Variants in VWA5A observed in about 807,000 individuals in gnomAD.
VWA5A encodes the protein von Willebrand factor A domain-containing protein 5A.
VWA5A carries 77 observed loss-of-function variants against 84.6 expected under a neutral mutation model. The ratio of observed to expected loss-of-function variants is 0.91; its 90% CI spans 0.76 to 1.10. The LOEUF (loss-of-function observed/expected upper bound fraction) is 1.10, where lower values mean the gene tolerates loss of function less well. VWA5A is among the 50% of genes least tolerant of loss of function. The probability of loss-of-function intolerance (pLI) is 0.00; values close to 1 mark genes in which losing one functional copy is unlikely to be tolerated. For synonymous variants in VWA5A, 334 were observed against 350.1 expected, an observed-to-expected ratio of 0.95 and a Z score of 0.51; for missense variants, 973 against 963.0, an observed-to-expected ratio of 1.01 and a Z score of -0.14.
chr11:124,116,288 C>G (rs551589925), intron 1 of VWA5A: 2 of 152,446 alleles, frequency 1.3e-5, no homozygotes, highest in South Asian at 4.1e-4. Flanking sequence ...AGAACTAATT[C>G]TGACCCAAAC....
chr11:124,145,162 G>T, intron 17 of VWA5A, 75 bp from the exon 18 acceptor site: 1 of 1,524,594 alleles, frequency 6.6e-7, no homozygotes, highest in South Asian at 1.3e-5. Flanking sequence ...GATGCTAAGT[G>T]AGGAGGGAGT....
At chr11:124,123,475 T>C (rs1864966360) in intron 9 of VWA5A, 21 bp downstream of exon 9, 1 of 1,611,576 alleles carries the variant, frequency 6.2e-7, no homozygotes, top group South Asian at 1.1e-5. Flanking sequence ...GGAAAGACAA[T>C]AGGGAGTACA....
chr11:124,141,863 C>T, intron 16 of VWA5A, 122 bp downstream of exon 16: 1 of 1,334,590 alleles, frequency 7.5e-7, no homozygotes, highest in Non-Finnish European at 1.0e-6. Context: ...GAAGGGACCC[C>T]CCATGCATTG....
chr11:124,131,387 A>AT (rs1208559176), intron 11 of VWA5A, among the ~76,000 whole-genome samples: 1 of 151,988 alleles, frequency 6.6e-6, no homozygotes, highest in African/African-American at 2.4e-5. Context: ...TATTTTTGGA[A>AT]TTTTTTTATT....
chr11:124,124,031 A>T (rs1210829415), intron 10 of VWA5A, among the ~76,000 whole-genome samples: 3 of 152,152 alleles, frequency 2.0e-5, no homozygotes, highest in Non-Finnish European at 4.4e-5. Flanking sequence ...AGATGCAGCT[A>T]GGAGGGGAGG....
chr11:124,117,145 A>T (rs1864844027), intron 2 of VWA5A, among the ~76,000 whole-genome samples: 1 of 152,224 alleles, frequency 6.6e-6, no homozygotes, highest in Admixed American at 6.5e-5. Flanking sequence ...TTGGAAAGAA[A>T]ATACTGAGGC....
At chr11:124,118,808 C>G in intron 6 of VWA5A, 100 bp downstream of exon 6, 1 of 1,408,234 alleles carries the variant, frequency 7.1e-7, no homozygotes, top group Non-Finnish European at 9.7e-7. Context: ...CAGAGGGGGT[C>G]CCACATGCTC....
chr11:124,134,003 C>T (rs1057276177), intron 11 of VWA5A, among the ~76,000 whole-genome samples: 3 of 152,148 alleles, frequency 2.0e-5, no homozygotes, highest in Non-Finnish European at 4.4e-5. Flanking sequence ...TGTGAGCCAC[C>T]ACACCCAGCC....
chr11:124,122,893 T>G (rs1864952009), intron 7 of VWA5A, 67 bp from the exon 8 acceptor site: 1 of 1,471,012 alleles, frequency 6.8e-7, no homozygotes, highest in Non-Finnish European at 9.2e-7. Context: ...TCACTACCAT[T>G]GATTCTTAGG....
In VWA5A at chr11:124,119,355, A is replaced by G. The variant is rs566254325; in HGVS notation, c.760+266A>G. 2.6e-5 allele frequency among the ~76,000 whole-genome samples: 4 copies of G among 152,378 alleles called. No individual in the cohort carries two copies. In the East Asian group the frequency reaches 5.8e-4, roughly 22 times the overall value. ...TTACAAGAGAAAACATGGCCAGTTTATAAACATGTGGCAATGATCAGTCTT... is the reference window on the plus strand; with the variant it reads ...TTACAAGAGAAAACATGGCCAGTTTGTAAACATGTGGCAATGATCAGTCTT... On this transcript the variant is annotated intron_variant, in intron 7 of 18. Coordinates refer to ENST00000456829, the MANE Select transcript of VWA5A (RefSeq NM_001130142.2).
Position 124,124,263 on chromosome 11 carries a change from T to A in VWA5A, c.1191T>A (p.Val397=), listed in dbSNP as rs1181873180. The change falls in exon 11 of 19, where the codon GTT becomes GTA. Residue 397 remains valine (V), a synonymous_variant. Coordinates refer to ENST00000456829, the MANE Select transcript of VWA5A (RefSeq NM_001130142.2). ...TTTTTGTCTTTACAGATGGAGAAGT[T>A]ACAGACACGTTTAGTGTAATTAAAG... ...LQLFVFTDGE[V]TDTFSVIKEV... 6.2e-7 allele frequency: 1 copy of A among 1,614,024 alleles called. No homozygotes were observed.
At chr11:124,144,228 G>A (rs932027510) in intron 17 of VWA5A, among the ~76,000 whole-genome samples, 1 of 152,098 alleles carries the variant, frequency 6.6e-6, no homozygotes, top group Non-Finnish European at 1.5e-5. Context: ...GCTAAGTACT[G>A]TTTTGGGTTC....
chr11:124,136,427 C>A, intron 13 of VWA5A, 134 bp downstream of exon 13: 2 of 1,440,106 alleles, frequency 1.4e-6, no homozygotes, highest in Non-Finnish European at 1.9e-6. Flanking sequence ...TCCTTCCCAT[C>A]ATTTCAGGTC....
chr11:124,116,837 TACAA>T (rs1232985664), intron 2 of VWA5A, among the ~76,000 whole-genome samples, 157 bp downstream of exon 2: 1 of 152,174 alleles, frequency 6.6e-6, no homozygotes, highest in East Asian at 1.9e-4. Flanking sequence ...CTTGGATGGA[TACAA>T]ACAAATATAC....
At chr11:124,126,898 T>A (rs1376795751) in intron 11 of VWA5A, among the ~76,000 whole-genome samples, 3 of 152,222 alleles carry the variant, frequency 2.0e-5, no homozygotes, top group Non-Finnish European at 2.9e-5. Flanking sequence ...ACCCTTCATA[T>A]ATAAACACTT....
chr11:124,123,883 G>A (rs528824698), intron 10 of VWA5A, 79 bp downstream of exon 10: 297 of 1,482,790 alleles, frequency 2.0e-4, no homozygotes, highest in South Asian at 3.6e-4. Context: ...GCTTCATGCA[G>A]TATGTTGAAA....
chr11:124,117,349 G>A (rs893693385), intron 2 of VWA5A, 148 bp from the exon 3 acceptor site: 4 of 756,106 alleles, frequency 5.3e-6, no homozygotes, highest in African/African-American at 1.7e-5. Context: ...TGAAATCTTT[G>A]TCTCCTTTTT....
rs570240704 is a variant in VWA5A, at chr11:124,137,204, T to C, written c.1815T>C (p.His605=). Residue 605 remains histidine (H), a synonymous_variant, in exon 15 of 19, where the codon CAT becomes CAC. Coordinates refer to ENST00000456829, the MANE Select transcript of VWA5A (RefSeq NM_001130142.2). ...LNKPVQGPLA[H]RDVPRPILLG... is the part of the protein sequence containing the mutation. ...AGCCGGTTCAGGGGCCTCTGGCTCATAGGGACGTCCCAAGGCCAATTCTGT... is the reference window on the plus strand; with the variant it reads ...AGCCGGTTCAGGGGCCTCTGGCTCACAGGGACGTCCCAAGGCCAATTCTGT... 1.9e-6 allele frequency: 3 copies of C among 1,614,170 alleles called. No individual in the cohort carries two copies. The highest frequency in any genetic ancestry group is 2.2e-5 in the East Asian group (1 of 44,862).
intron 11 of VWA5A, among the ~76,000 whole-genome samples, chr11:124,133,887 T>C (rs965559412): frequency 6.6e-6 from 1 of 152,200 alleles, no homozygotes; most frequent in African/African-American, 2.4e-5. Flanking sequence ...TGAGTTCTAG[T>C]TAGTCATCAA....
Sources: allele counts gnomAD v4.1 joint callset (sites outside exome capture counted in the v4.1 genomes callset), GRCh38; gene constraint gnomAD v4.1.1; transcripts MANE v1.5; gene names NCBI Gene and HGNC (gene_info 2026-07-23, HGNC 2026-07-21).